RYR3: variants seen among roughly 807,000 people sequenced by gnomAD.
RYR3 encodes brain ryanodine receptor-calcium release channel.
In RYR3, 207 loss-of-function variants were observed where a neutral mutation model predicts 584.3. The observed-to-expected ratio is 0.35, with a 90% CI of 0.32 to 0.40. RYR3 has a LOEUF of 0.40. RYR3 is among the 10% of genes least tolerant of loss of function. The pLI, the probability that RYR3 is intolerant of heterozygous loss-of-function variation, is 1.00. For missense variants in RYR3, 5,616 were observed against 6,089.2 expected (o/e 0.92, Z 2.59); for synonymous variants, 2,416 against 2,248.5 (o/e 1.07, Z -2.11).
At chr15:33,571,334 G>A (rs908939213) in intron 12 of RYR3, among the ~76,000 whole-genome samples, 5 of 152,094 alleles carry the variant, frequency 3.3e-5, no homozygotes, top group African/African-American at 1.2e-4. Flanking sequence ...TTGGTCTATC[G>A]ATATGATCAT....
Position 33,606,990 on chromosome 15 carries a change from T to C in RYR3, c.2164+3626T>C, listed in dbSNP as rs538808445. On this transcript the variant is annotated intron_variant, in intron 18 of 103. Transcript: ENST00000634891. ...TGCAGTCAGATCTGCACAAGGGGAC[T>C]TCACCTGTCTCCCAACTAAGATGAG... Among the ~76,000 whole-genome samples the C allele has an allele frequency of 1.1e-4, 16 of 152,334 alleles. No homozygotes were observed. The South Asian group carries it at 3.3e-3, about 32-fold the overall frequency.
chr15:33,788,133 C>T, intron 66 of RYR3, 85 bp from the exon 67 acceptor site: 1 of 1,554,576 alleles, frequency 6.4e-7, no homozygotes. Flanking sequence ...GATGGGATTC[C>T]ACGGCCTCAC....
intron 43 of RYR3, among the ~76,000 whole-genome samples, chr15:33,716,359 G>C (rs951358278): frequency 2.6e-5 from 4 of 152,094 alleles, no homozygotes; most frequent in African/African-American, 9.7e-5. Context: ...ATAGTATAAA[G>C]CGTGTACAGT....
At position 33,864,208 on chromosome 15, in the gene RYR3, T is replaced by C. The variant is rs1469462355; in HGVS notation, c.14517+19T>C. 1 of 1,592,320 alleles carries C rather than the reference T, an allele frequency of 6.3e-7. No homozygotes were observed. The highest frequency in any genetic ancestry group is 8.6e-7 in the Non-Finnish European group (1 of 1,164,654). On this transcript the variant is annotated intron_variant, in intron 103 of 103. Coordinates refer to ENST00000634891, the MANE Select transcript of RYR3 (RefSeq NM_001036.6). ...GGGTCAGGTGAGAAATTAAGAATCA[T>C]ATACCCGTGTTAGATCTCCCTTTCC...
intron 38 of RYR3, among the ~76,000 whole-genome samples, chr15:33,681,302 A>C (rs1415658370): frequency 2.6e-5 from 4 of 152,204 alleles, no homozygotes; most frequent in Non-Finnish European, 5.9e-5. Flanking sequence ...GCAAATTATC[A>C]CAAACTTAAT....
Position 33,660,534 on chromosome 15 carries a change from A to G in RYR3, c.4622+111A>G, listed in dbSNP as rs553361881. On this transcript the variant is annotated intron_variant, in intron 34 of 103. Transcript: ENST00000634891. ...TCTGTGTTGGATCCTGCTCAGTCCC[A>G]GTATGACTTGATTTCCCCAGTGCCT... 2.1e-5 allele frequency: 14 copies of G among 672,152 alleles called. No homozygotes were observed. In the African/African-American group the frequency reaches 2.5e-4, roughly 12 times the overall value. The allele number at this position is 672,152 out of a possible 1,614,324, so 41.6% of individuals were successfully genotyped here.
intron 11 of RYR3, 59 bp downstream of exon 11, chr15:33,563,069 A>G: frequency 1.5e-6 from 2 of 1,361,512 alleles, no homozygotes; most frequent in Non-Finnish European, 2.0e-6. Context: ...CAACTAGGCA[A>G]TAGAAGTGAT....
chr15:33,458,247 T>C (rs1045487813), intron 1 of RYR3, among the ~76,000 whole-genome samples: 1 of 152,028 alleles, frequency 6.6e-6, no homozygotes, highest in Non-Finnish European at 1.5e-5. Flanking sequence ...GTACTCACCC[T>C]CCCCAATGTG....
chr15:33,388,430 T>G (rs59901250), intron 1 of RYR3, among the ~76,000 whole-genome samples: 2,096 of 152,256 alleles, frequency 0.014, 53 homozygotes, highest in African/African-American at 0.049. Context: ...CAATTAGTTA[T>G]GATTGGAGCA....
intron 98 of RYR3, among the ~76,000 whole-genome samples, chr15:33,855,405 T>C (rs1240540422): frequency 6.6e-6 from 1 of 152,244 alleles, no homozygotes; most frequent in African/African-American, 2.4e-5. Flanking sequence ...GGTTTCACCA[T>C]GTTGGCCAGG....
intron 1 of RYR3, among the ~76,000 whole-genome samples, chr15:33,322,432 C>T (rs1969096943): frequency 6.6e-6 from 1 of 152,136 alleles, no homozygotes. Flanking sequence ...ATCATGAGGA[C>T]AGCACCAAGA....
chr15:33,512,194 C>T (rs2053092328), intron 3 of RYR3, among the ~76,000 whole-genome samples: 1 of 152,180 alleles, frequency 6.6e-6, no homozygotes, highest in African/African-American at 2.4e-5. Context: ...ATCTCAGCTT[C>T]TCGATGCTTC....
intron 24 of RYR3, 82 bp from the exon 25 acceptor site, chr15:33,634,504 G>A: frequency 1.4e-6 from 2 of 1,451,228 alleles, no homozygotes; most frequent in Non-Finnish European, 1.9e-6. Flanking sequence ...AGCCAGGACT[G>A]TTGCTGGGAA....
At chr15:33,675,302 A>G (rs1396335417) in intron 38 of RYR3, among the ~76,000 whole-genome samples, 2 of 152,224 alleles carry the variant, frequency 1.3e-5, no homozygotes, top group South Asian at 2.1e-4. Context: ...ACACAATTCT[A>G]TTTCTATTTT....
Position 33,698,408 on chromosome 15 carries a change from C to T in RYR3, c.6249+412C>T, listed in dbSNP as rs2066014919. Among the ~76,000 whole-genome samples the T allele has an allele frequency of 2.0e-5, 3 of 152,172 alleles. No homozygotes were observed. In the South Asian group the frequency reaches 6.2e-4, roughly 32 times the overall value. On this transcript the variant is annotated intron_variant, in intron 40 of 103. Coordinates refer to ENST00000634891, the MANE Select transcript of RYR3 (RefSeq NM_001036.6). The stretch of plus-strand genomic sequence containing the variant: ...GTTTCCCCAGAAGTGTTGATGTTTC[C>T]TCTGTCAACCGAACTCCTGAAGAAG...
At chr15:33,351,191 T>C (rs1373773488) in intron 1 of RYR3, among the ~76,000 whole-genome samples, 1 of 151,902 alleles carries the variant, frequency 6.6e-6, no homozygotes, top group Non-Finnish European at 1.5e-5. Flanking sequence ...ACACATACAC[T>C]CTCCCAAGAC....
intron 38 of RYR3, among the ~76,000 whole-genome samples, chr15:33,687,236 C>CTT (rs1185028395): frequency 6.6e-6 from 1 of 152,164 alleles, no homozygotes; most frequent in African/African-American, 2.4e-5. Context: ...ATACAAAATC[C>CTT]ATGTGTAAAA....
chr15:33,835,258 G>T (rs546046475), intron 87 of RYR3, among the ~76,000 whole-genome samples, 186 bp downstream of exon 87: 35 of 152,278 alleles, frequency 2.3e-4, no homozygotes, highest in African/African-American at 7.7e-4. Context: ...AGGGGCGCGG[G>T]GTCCCAGACA....
intron 1 of RYR3, among the ~76,000 whole-genome samples, chr15:33,356,204 A>T (rs1219617479): frequency 6.6e-6 from 1 of 152,190 alleles, no homozygotes; most frequent in Non-Finnish European, 1.5e-5. Flanking sequence ...CTCTTACTAG[A>T]TACCTCTGGC....
Sources: allele counts gnomAD v4.1 joint callset (sites outside exome capture counted in the v4.1 genomes callset), GRCh38; gene constraint gnomAD v4.1.1; transcripts MANE v1.5; gene names NCBI Gene and HGNC (gene_info 2026-07-23, HGNC 2026-07-21).